The following RYR2 variants were observed in gnomAD, a reference collection of about 807,000 sequenced individuals.
RYR2 encodes the protein ryanodine receptor 2, also known as cardiac muscle ryanodine receptor-calcium release channel.
In RYR2, 227 loss-of-function variants were observed where a neutral mutation model predicts 601.1. That is an observed-to-expected ratio of 0.38 (90% CI 0.34 to 0.42). The LOEUF (loss-of-function observed/expected upper bound fraction) is 0.42, where lower values mean the gene tolerates loss of function less well. Among genes scored for constraint, RYR2 ranks in the 10% least tolerant of loss-of-function variants. The pLI, the probability that RYR2 is intolerant of heterozygous loss-of-function variation, is 1.00. For synonymous variants in RYR2, 2,223 were observed against 2,175.1 expected (o/e 1.02, Z -0.61); for missense variants, 4,646 against 6,156.5 (o/e 0.75, Z 8.21).
chr1:237,180,656 A>G lies in RYR2; in HGVS notation c.49-89841A>G, dbSNP rs61832390. On this transcript the variant is annotated intron_variant, in intron 1 of 104. Transcript: ENST00000366574. This position sits in a 1 kb window ranked among gnomAD's most constrained non-coding sequence, Gnocchi z 5.3. ...TGTATATATGTATATGTATATGTGT[A>G]TATATGTATACATGTGTATATATGT... is the stretch of plus-strand genomic sequence containing the variant. Among the ~76,000 whole-genome samples the G allele has an allele frequency of 7.4e-6, 1 of 135,970 alleles. No individual in the cohort carries two copies. Among genetic ancestry groups the G allele is most frequent in the African/African-American group, 2.7e-5 (1 of 36,400 alleles). 89.2% of individuals were successfully genotyped at this position (135,970 alleles called of 152,430 possible).
At chr1:237,582,101 T>C (rs931090342) in intron 29 of RYR2, among the ~76,000 whole-genome samples, 1 of 151,928 alleles carries the variant, frequency 6.6e-6, no homozygotes, top group African/African-American at 2.4e-5. Flanking sequence ...ATTTTTATTT[T>C]ATTTTTATTT....
rs71698093 is a variant in RYR2, at chr1:237,182,103, G to GTTTA, written c.49-88362_49-88359dup. On this transcript the variant is annotated intron_variant, in intron 1 of 104. Transcript: ENST00000366574. ...ATTATGTGAGATGAAACTCCCTGGG[G>GTTTA]TTTATTTATTTATTTATTTATTTAT... Among the ~76,000 whole-genome samples, 1,129 of 148,608 alleles carry GTTTA rather than the reference G, an allele frequency of 7.6e-3. 4 individuals carry two copies. Among genetic ancestry groups the GTTTA allele is most frequent in the African/African-American group, 0.01 (407 of 40,342 alleles).
intron 25 of RYR2, among the ~76,000 whole-genome samples, chr1:237,548,078 A>C (rs1224697296): frequency 6.6e-6 from 1 of 152,238 alleles, no homozygotes; most frequent in African/African-American, 2.4e-5. Flanking sequence ...CAGGAAGAGA[A>C]ATCTCTAAAA....
At chr1:237,797,979 T>C (rs1195840554) in intron 96 of RYR2, 58 bp from the exon 97 acceptor site, 4 of 1,466,666 alleles carry the variant, frequency 2.7e-6, no homozygotes. Context: ...TATACACACA[T>C]ATAGATGATG....
At chr1:237,721,086 A>G (rs1369863909) in intron 73 of RYR2, among the ~76,000 whole-genome samples, 1 of 152,148 alleles carries the variant, frequency 6.6e-6, no homozygotes, top group Non-Finnish European at 1.5e-5. Context: ...CAAAAAATGA[A>G]TTTTTTTATT....
At chr1:237,575,843 C>T (rs772176435) in intron 29 of RYR2, among the ~76,000 whole-genome samples, 3 of 151,992 alleles carry the variant, frequency 2.0e-5, no homozygotes, top group Non-Finnish European at 2.9e-5. Flanking sequence ...GTAAAAGGGA[C>T]GAATTTATCA....
intron 1 of RYR2, among the ~76,000 whole-genome samples, chr1:237,141,709 T>C (rs139159415): frequency 2.4e-3 from 359 of 152,330 alleles, no homozygotes; most frequent in Non-Finnish European, 3.7e-3. Context: ...GCCTGCCATT[T>C]TTAAGCTGCT....
intron 10 of RYR2, among the ~76,000 whole-genome samples, chr1:237,407,199 G>A (rs912910921): frequency 1.3e-5 from 2 of 152,078 alleles, no homozygotes; most frequent in Admixed American, 6.6e-5. Context: ...ACATTCCAAT[G>A]GATGTGTTAC....
At chr1:237,422,113 A>G (rs1260464299) in intron 11 of RYR2, among the ~76,000 whole-genome samples, 1 of 152,114 alleles carries the variant, frequency 6.6e-6, no homozygotes, top group Non-Finnish European at 1.5e-5. Flanking sequence ...CTGTGCCATC[A>G]CTCTGCACCT....
intron 4 of RYR2, 126 bp downstream of exon 4, chr1:237,356,111 T>C: frequency 1.3e-6 from 1 of 789,168 alleles, no homozygotes; most frequent in South Asian, 1.6e-5. Context: ...ACTGCTTCGT[T>C]GTAATGAACA....
intron 12 of RYR2, among the ~76,000 whole-genome samples, chr1:237,432,099 C>T (rs116502831): frequency 7.5e-5 from 9 of 120,456 alleles, no homozygotes; most frequent in African/African-American, 2.2e-4. Context: ...AGCAAATGGT[C>T]TTTTTTTTTT....
Position 237,748,295 on chromosome 1 carries a change from G to GAACATA in RYR2, c.11145+5946_11145+5947insAACATA, listed in dbSNP as rs767137982. Reference sequence around the variant, plus strand: ...ACCATATGCATTACAGAACAGAACAGTGCCTCCCCGGGGAAGGAGGATAGG... The same window carrying GAACATA: ...ACCATATGCATTACAGAACAGAACAGAACATATGCCTCCCCGGGGAAGGAGGATAGG... On this transcript the variant is annotated intron_variant, in intron 80 of 104. Coordinates refer to ENST00000366574, the MANE Select transcript of RYR2 (RefSeq NM_001035.3). Among the ~76,000 whole-genome samples, 442 of 152,280 alleles carry GAACATA rather than the reference G, an allele frequency of 2.9e-3. 5 individuals are homozygous for GAACATA. The highest frequency in any genetic ancestry group is 4.0e-3 in the Non-Finnish European group (270 of 68,008).
intron 100 of RYR2, among the ~76,000 whole-genome samples, chr1:237,816,928 G>A (rs761103086): frequency 1.6e-4 from 25 of 152,076 alleles, no homozygotes; most frequent in Non-Finnish European, 3.2e-4. Flanking sequence ...GACTCAGTAG[G>A]TAGTACCAGG....
At chr1:237,460,845 A>G (rs1659396038) in intron 16 of RYR2, among the ~76,000 whole-genome samples, 1 of 152,166 alleles carries the variant, frequency 6.6e-6, no homozygotes, top group African/African-American at 2.4e-5. Flanking sequence ...CTTAAATGTT[A>G]TAATATATAG....
rs368918887 is a variant in RYR2, at chr1:237,493,053, T to A, written c.1927T>A (p.Leu643Ile). 3 of 1,613,418 alleles carry A rather than the reference T, an allele frequency of 1.9e-6. No individual in the cohort carries two copies. Among genetic ancestry groups the A allele is most frequent in the Non-Finnish European group, 2.5e-6 (3 of 1,179,758 alleles). ...CAATCTCCTACCAGGAAGAGACTTGTTATTGCAGACACGTCTTGTGAACCA... is the reference window on the plus strand; with the variant it reads ...CAATCTCCTACCAGGAAGAGACTTGATATTGCAGACACGTCTTGTGAACCA... Reference protein sequence around the residue: ...CDNLLPGRDLLLQTRLVNHVS... With the variant: ...CDNLLPGRDLILQTRLVNHVS... Residue 643 changes from leucine (L) to isoleucine (I), a missense_variant, in exon 19 of 105, where the codon TTA becomes ATA. Coordinates refer to ENST00000366574, the MANE Select transcript of RYR2 (RefSeq NM_001035.3).
intron 103 of RYR2, 82 bp from the exon 104 acceptor site, chr1:237,831,432 C>T: frequency 1.3e-6 from 1 of 779,488 alleles, no homozygotes; most frequent in East Asian, 2.6e-5. Context: ...TTGATTGCAA[C>T]CATACAATTT....
intron 18 of RYR2, 69 bp from the exon 19 acceptor site, chr1:237,492,871 GAAGGGAAGGAAGGA>G (rs1663551197): frequency 1.7e-6 from 2 of 1,201,734 alleles, no homozygotes; most frequent in Non-Finnish European, 2.2e-6. Flanking sequence ...AAGGAAGGAA[GAAGGGAAGGAAGGA>G]AGGGAGGGAG....
At chr1:237,718,198 C>T (rs532684696) in intron 72 of RYR2, among the ~76,000 whole-genome samples, 4 of 152,196 alleles carry the variant, frequency 2.6e-5, no homozygotes, top group East Asian at 3.9e-4. Flanking sequence ...ATGCTATGCC[C>T]CCTTCTTCTT....
At position 237,247,599 on chromosome 1, in the gene RYR2, G is replaced by A. The variant is rs1572349568; in HGVS notation, c.49-22898G>A. On this transcript the variant is annotated intron_variant, in intron 1 of 104. Coordinates refer to ENST00000366574, the MANE Select transcript of RYR2 (RefSeq NM_001035.3). ...TTAAGAAAAGGGGCTCAGATGACAG[G>A]TTAATAGGCTGCCCCTCACCAGCCA... Among the ~76,000 whole-genome samples, 2 of 152,286 alleles carry A rather than the reference G, an allele frequency of 1.3e-5. 1 individual carries two copies. Among genetic ancestry groups the A allele is most frequent in the South Asian group, 4.1e-4 (2 of 4,826 alleles).
Sources: gnomAD v4.1 joint callset for allele counts (sites outside exome capture counted in the v4.1 genomes callset) on GRCh38, gnomAD v4.1.1 for gene constraint, Gnocchi (gnomAD v3.1) non-coding constraint, MANE v1.5 for transcripts, NCBI Gene and HGNC (gene_info 2026-07-23, HGNC 2026-07-21) for gene names.